Variants in ADGRG1 observed in about 807,000 individuals in gnomAD.
The protein encoded by ADGRG1 is adhesion G protein-coupled receptor G1, also known as 7-transmembrane protein with no EGF-like N-terminal domains-1.
A neutral mutation model predicts 73.5 loss-of-function variants in ADGRG1; 53 were observed. The ratio of observed to expected loss-of-function variants is 0.72; its 90% confidence interval spans 0.58 to 0.91. ADGRG1 has a LOEUF of 0.91. ADGRG1 is among the 40% of genes least tolerant of loss of function. The pLI, the probability that ADGRG1 is intolerant of heterozygous loss-of-function variation, is 0.00. For synonymous variants in ADGRG1, 394 were observed against 374.4 expected, an observed-to-expected ratio of 1.05 and a Z score of -0.60; for missense variants, 795 against 871.8, an observed-to-expected ratio of 0.91 and a Z score of 1.11.
intron 1 of ADGRG1, among the ~76,000 whole-genome samples, chr16:57,645,776 C>T (rs377656412): frequency 2.0e-5 from 3 of 152,194 alleles, no homozygotes; most frequent in Admixed American, 6.5e-5. Flanking sequence ...TCTGACCCAC[C>T]GGCAGGCTTG....
chr16:57,632,067 C>T, intron 1 of ADGRG1: 1 of 985,420 alleles, frequency 1.0e-6, no homozygotes, highest in Non-Finnish European at 1.2e-6. Flanking sequence ...TCTGCCAGGC[C>T]CTGGGCTCAG....
intron 1 of ADGRG1, among the ~76,000 whole-genome samples, chr16:57,637,889 CTCTGAGAA>C (rs1567695376): frequency 1.3e-5 from 2 of 152,220 alleles, no homozygotes; most frequent in African/African-American, 4.8e-5. Context: ...CCCACTTGTG[CTCTGAGAA>C]AGTGCTTGTA....
At chr16:57,624,253 G>A (rs1269558076), upstream of ADGRG1, 32 of 693,616 alleles carry the variant, frequency 4.6e-5, no homozygotes, top group Non-Finnish European at 5.1e-5. Context: ...TAATCCCAGC[G>A]CTTTGGGAGG....
intron 11 of ADGRG1, chr16:57,660,284 C>T: frequency 4.1e-6 from 4 of 985,210 alleles, no homozygotes; most frequent in Non-Finnish European, 4.8e-6. Context: ...CCTTCTTTGT[C>T]CATTCCCCCA....
rs762707797 is a variant in ADGRG1 at position 57,632,878 on chromosome 16, G to C, written c.-36+4076G>C. 920 of 985,340 alleles carry C rather than the reference G, an allele frequency of 9.3e-4. 2 individuals carry two copies. Among genetic ancestry groups the C allele is most frequent in the Non-Finnish European group, 1.1e-3 (872 of 829,920 alleles). 61.0% of individuals were successfully genotyped at this position (985,340 alleles called of 1,614,324 possible). ...CTGTCCAAGAGCCAGCCCAACCCTG[G>C]TGGCCTGAAAAGTTCTGCGGTGAAT... On this transcript the variant is annotated intron_variant, in intron 1 of 13. Coordinates refer to ENST00000562631, the MANE Select transcript of ADGRG1 (RefSeq NM_201525.4).
chr16:57,633,008 C>A (rs1448252157), intron 1 of ADGRG1: 13 of 937,942 alleles, frequency 1.4e-5, no homozygotes, highest in Non-Finnish European at 1.7e-5. Context: ...CCTTTCCCCT[C>A]CCGTCCCCAG....
chr16:57,647,575 G>C, intron 1 of ADGRG1: 1 of 464,920 alleles, frequency 2.2e-6, no homozygotes, highest in East Asian at 1.5e-4. Flanking sequence ...AGGAAAGCGA[G>C]GCCCAGAGAA....
Position 57,665,440 on chromosome 16 carries a change from T to C in ADGRG1, c.*1858T>C, listed in dbSNP as rs752522738. Reference sequence around the variant, plus strand: ...CCCCTGATTTTAAAATTTTGGCGAATCCAAAACATTTTCTGGCCAAAGAGA... The same window carrying C: ...CCCCTGATTTTAAAATTTTGGCGAACCCAAAACATTTTCTGGCCAAAGAGA... On this transcript the variant is annotated 3_prime_UTR_variant, in exon 14 of 14. Coordinates refer to ENST00000562631, the MANE Select transcript of ADGRG1 (RefSeq NM_201525.4). 8.5e-5 allele frequency: 13 copies of C among 152,198 alleles called. No homozygotes were observed. The highest frequency in any genetic ancestry group is 3.1e-4 in the African/African-American group (13 of 41,442). 9.4% of individuals were successfully genotyped at this position (152,198 alleles called of 1,614,324 possible).
In ADGRG1 at chr16:57,650,302, G is replaced by A. The variant is rs766135099; in HGVS notation, c.15G>A (p.Ser5=). ...GTCGGAGGAAAATGACTCCCCAGTC[G>A]CTGCTGCAGACGACACTGTTCCTGC... The part of the protein sequence containing the change: MTPQ[S]LLQTTLFLLS... The change falls in exon 2 of 14, where the codon TCG becomes TCA. Residue 5 remains serine, a synonymous_variant. Coordinates refer to ENST00000562631, the MANE Select transcript of ADGRG1 (RefSeq NM_201525.4). 1.9e-5 allele frequency: 31 copies of A among 1,613,554 alleles called. No homozygotes were observed. Among genetic ancestry groups the A allele is most frequent in the Middle Eastern group, 1.6e-4 (1 of 6,084 alleles).
In ADGRG1 at chr16:57,629,058, ATGAG is replaced by A. The variant is rs1344431849; in HGVS notation, c.-36+259_-36+262del. 3.9e-5 allele frequency: 19 copies of A among 484,852 alleles called. No homozygotes were observed. In the African/African-American group the frequency reaches 4.4e-4, roughly 11 times the overall value. The allele number at this position is 484,852 out of a possible 1,614,324, so 30.0% of individuals were successfully genotyped here. A position where few individuals can be genotyped will look rare whatever the true frequency, so the allele number is the denominator to read the frequency against. ...AGAGTGTGAGTGAGTGTGTGTGAGT[ATGAG>A]TGTGAGTGTGAGTGTGGGAGTGTAT... On this transcript the variant is annotated intron_variant, in intron 1 of 13. Transcript: ENST00000562631.
chr16:57,665,255 A>T lies in ADGRG1; in HGVS notation c.*1673A>T, dbSNP rs117957222. ...TGTCTGTGCTGGGGAGGCAATGGGGAGTGGTGGGGCCTGTGGCGAACTGGA... is the reference window on the plus strand; with the variant it reads ...TGTCTGTGCTGGGGAGGCAATGGGGTGTGGTGGGGCCTGTGGCGAACTGGA... On this transcript the variant is annotated 3_prime_UTR_variant, in exon 14 of 14. Transcript: ENST00000562631. 1,345 of 152,138 alleles carry T rather than the reference A, an allele frequency of 8.8e-3. 54 individuals are homozygous for T. The East Asian group carries it at 0.12, about 14-fold the overall frequency. The allele number at this position is 152,138 out of a possible 1,614,324, so 9.4% of individuals were successfully genotyped here.
chr16:57,624,784 C>T (rs551067301), upstream of ADGRG1: 10 of 870,546 alleles, frequency 1.1e-5, no homozygotes, highest in South Asian at 3.7e-4. Context: ...CTCCTCCTAC[C>T]TCCCCGGCAG....
At chr16:57,656,809 A>G (rs1381060281) in intron 9 of ADGRG1, among the ~76,000 whole-genome samples, 192 bp downstream of exon 9, 1 of 152,246 alleles carries the variant, frequency 6.6e-6, no homozygotes, top group Non-Finnish European at 1.5e-5. Flanking sequence ...CCACACAGCT[A>G]GTCAGTGAAA....
chr16:57,626,492 C>T (rs1322886423), upstream of ADGRG1: 1 of 643,452 alleles, frequency 1.6e-6, no homozygotes, highest in Admixed American at 6.3e-5. Flanking sequence ...GGCCTGCTTC[C>T]TCACCTGCCT....
chr16:57,645,050 C>T, intron 1 of ADGRG1: 2 of 983,792 alleles, frequency 2.0e-6, no homozygotes, highest in Non-Finnish European at 2.4e-6. Context: ...CACATACACA[C>T]ACTCATGCAC....
At chr16:57,623,809 C>A (rs1437656334), upstream of ADGRG1, 5 of 985,308 alleles carry the variant, frequency 5.1e-6, no homozygotes, top group Non-Finnish European at 6.0e-6. Context: ...ACCCCCACGC[C>A]TGTGTCCAGG....
intron 1 of ADGRG1, chr16:57,630,510 C>T (rs1266159108): frequency 1.3e-5 from 13 of 985,448 alleles, no homozygotes; most frequent in African/African-American, 5.2e-5. Flanking sequence ...CCCTGGCTCC[C>T]GTAGGCCTGG....
chr16:57,642,637 C>G (rs1162990374), intron 1 of ADGRG1: 1 of 984,252 alleles, frequency 1.0e-6, no homozygotes, highest in African/African-American at 1.7e-5. Flanking sequence ...GGCCCACAAG[C>G]ATTTCTCTAA....
chr16:57,623,869 A>C, upstream of ADGRG1: 1 of 971,110 alleles, frequency 1.0e-6, no homozygotes, highest in Non-Finnish European at 1.2e-6. Context: ...CATTGGCCGC[A>C]AAACACATGG....
Sources: allele counts gnomAD v4.1 joint callset (sites outside exome capture counted in the v4.1 genomes callset), GRCh38; gene constraint gnomAD v4.1.1; transcripts MANE v1.5; gene names NCBI Gene and HGNC (gene_info 2026-07-23, HGNC 2026-07-21).